Variants in LCORL observed in about 807,000 individuals in gnomAD.
The protein encoded by LCORL is ligand-dependent nuclear receptor corepressor-like protein.
A neutral mutation model predicts 141.8 loss-of-function variants in LCORL; 41 were observed. That is an observed-to-expected ratio of 0.29 (90% CI 0.23 to 0.38). The LOEUF (loss-of-function observed/expected upper bound fraction) is 0.38. Among genes scored for constraint, LCORL ranks in the 10% least tolerant of loss-of-function variants. LCORL has a pLI of 1.00. For synonymous variants in LCORL, 618 were observed against 694.1 expected, an observed-to-expected ratio of 0.89 and a Z score of 1.72; for missense variants, 1,759 against 2,035.0, an observed-to-expected ratio of 0.86 and a Z score of 2.61.
At chr4:17,947,527 T>C (rs1404742130) in intron 4 of LCORL, among the ~76,000 whole-genome samples, 1 of 151,856 alleles carries the variant, frequency 6.6e-6, no homozygotes, top group Non-Finnish European at 1.5e-5. Flanking sequence ...GTACTATACC[T>C]TTCAAAATCA....
chr4:17,938,209 G>A (rs776528709), intron 4 of LCORL, among the ~76,000 whole-genome samples: 1 of 151,394 alleles, frequency 6.6e-6, no homozygotes, highest in Non-Finnish European at 1.5e-5. Flanking sequence ...GTTTCTCCAT[G>A]TTGGTCAGGC....
rs1435035032 is a variant in LCORL, at chr4:17,899,663, G to A, written c.682+9431C>T. Among the ~76,000 whole-genome samples, 4 of 152,234 alleles carry A rather than the reference G, an allele frequency of 2.6e-5. No individual in the cohort carries two copies. In the East Asian group the frequency reaches 7.7e-4, roughly 29 times the overall value. On this transcript the variant is annotated intron_variant, in intron 5 of 7. Coordinates refer to ENST00000635767, the Ensembl canonical transcript of LCORL. ...CATAAGAACCCAATTTTGGCATATT[G>A]ATAACTTCAAGGTTATAAAGTAGGT...
chr4:17,881,292 A>G (rs1336837731), intron 6 of LCORL: 1 of 978,924 alleles, frequency 1.0e-6, no homozygotes, highest in Non-Finnish European at 1.2e-6. Flanking sequence ...AGTAACTGGT[A>G]ACTAAATTCA....
intron 4 of LCORL, among the ~76,000 whole-genome samples, chr4:17,938,418 T>G (rs1398580644): frequency 3.8e-5 from 3 of 78,592 alleles, no homozygotes; most frequent in Non-Finnish European, 6.7e-5. Flanking sequence ...TGTTTCTTTC[T>G]TTTTTTTTTT....
At chr4:17,860,578 TC>T (rs1253762832) in intron 7 of LCORL, among the ~76,000 whole-genome samples, 3 of 152,134 alleles carry the variant, frequency 2.0e-5, no homozygotes, top group African/African-American at 7.2e-5. Context: ...TCCTGGTCCC[TC>T]CCAAATCTCA....
Position 18,001,138 on chromosome 4 carries a change from TC to T in LCORL, c.154+20459del, listed in dbSNP as rs570056457. Among the ~76,000 whole-genome samples the T allele has an allele frequency of 2.0e-4, 30 of 152,278 alleles. No individual in the cohort carries two copies. The East Asian group carries it at 5.8e-3, about 29-fold the overall frequency. ...GTGAGCTATGACAGCACCACTGCAC[TC>T]TAGCCTGGGCAACAGAGCGAGACCC... is the stretch of plus-strand genomic sequence containing the variant. On this transcript the variant is annotated intron_variant, in intron 1 of 7. Transcript: ENST00000635767.
chr4:17,855,167 A>G (rs1724206372), intron 7 of LCORL, among the ~76,000 whole-genome samples: 3 of 152,184 alleles, frequency 2.0e-5, no homozygotes, highest in Admixed American at 2.0e-4. Context: ...AGAACCAACA[A>G]TCTTCAGAAA....
rs1177183061 is a variant in LCORL at position 17,884,685 on chromosome 4, T to G, written c.776+1383A>C. On this transcript the variant is annotated intron_variant, in intron 6 of 7. Transcript: ENST00000635767. This position sits in a 1 kb window ranked among gnomAD's most constrained non-coding sequence, Gnocchi z 4.4. ...CCAGACTGAATGTCTTTCAAAGCTT[T>G]TGAGAGCAAACCATCTGCAAACTCA... is the stretch of plus-strand genomic sequence containing the variant. 1 of 1,527,792 alleles carries G rather than the reference T, an allele frequency of 6.5e-7. No homozygotes were observed. The highest frequency in any genetic ancestry group is 2.5e-5 in the East Asian group (1 of 40,806). The allele number at this position is 1,527,792 out of a possible 1,614,324, so 94.6% of individuals were successfully genotyped here. A position where few individuals can be genotyped will look rare whatever the true frequency, so the allele number is the denominator to read the frequency against.
chr4:17,974,287 A>C lies in LCORL; in HGVS notation c.155-1402T>G, dbSNP rs138997561. Among the ~76,000 whole-genome samples the C allele has an allele frequency of 5.9e-5, 9 of 152,154 alleles. No individual in the cohort carries two copies. In the East Asian group the frequency reaches 1.3e-3, roughly 23 times the overall value. On this transcript the variant is annotated intron_variant, in intron 1 of 7. Coordinates refer to ENST00000635767, the Ensembl canonical transcript of LCORL. ...TGCTACTATCTCTCTTCCGCATTTTATGTCTCTTTAGCTTTCTTTACTGCA... is the reference window on the plus strand; with the variant it reads ...TGCTACTATCTCTCTTCCGCATTTTCTGTCTCTTTAGCTTTCTTTACTGCA...
chr4:17,856,062 C>T (rs957610794), intron 7 of LCORL, among the ~76,000 whole-genome samples: 3 of 152,188 alleles, frequency 2.0e-5, no homozygotes, highest in East Asian at 1.9e-4. Context: ...CTTGCTATCA[C>T]GATTTCCTTA....
intron 4 of LCORL, among the ~76,000 whole-genome samples, chr4:17,960,714 C>T (rs999213798): frequency 2.6e-5 from 4 of 152,096 alleles, no homozygotes; most frequent in African/African-American, 9.7e-5. Flanking sequence ...CCTCAGCCCA[C>T]CTGTTAGCTG....
chr4:17,936,673 T>C (rs548632823), intron 4 of LCORL, among the ~76,000 whole-genome samples: 1 of 152,348 alleles, frequency 6.6e-6, no homozygotes, highest in Non-Finnish European at 1.5e-5. Context: ...TGTGAACTTA[T>C]TTAATTCCTG....
chr4:17,869,781 C>T (rs988511846), intron 7 of LCORL, among the ~76,000 whole-genome samples: 2 of 152,068 alleles, frequency 1.3e-5, no homozygotes, highest in Non-Finnish European at 2.9e-5. Flanking sequence ...TAACTGCTTC[C>T]TAACATCCTT....
At chr4:17,995,725 T>C (rs575040785) in intron 1 of LCORL, among the ~76,000 whole-genome samples, 48 of 152,264 alleles carry the variant, frequency 3.2e-4, no homozygotes, top group African/African-American at 9.6e-4. Flanking sequence ...TTAGTTACCA[T>C]TGGGGAAACT....
At chr4:17,906,237 A>G (rs1731590650) in intron 5 of LCORL, among the ~76,000 whole-genome samples, 1 of 152,202 alleles carries the variant, frequency 6.6e-6, no homozygotes, top group Non-Finnish European at 1.5e-5. Context: ...AAATTTTAAG[A>G]AACTACCCAT....
intron 4 of LCORL, among the ~76,000 whole-genome samples, chr4:17,958,272 T>TGATATAAATACTA (rs1713077481): frequency 6.6e-6 from 1 of 151,668 alleles, no homozygotes; most frequent in African/African-American, 2.4e-5. Flanking sequence ...ATGCTAAGCA[T>TGATATAAATACTA]GTGTGGGTAT....
At chr4:17,970,314 C>T (rs1036151346) in intron 2 of LCORL, among the ~76,000 whole-genome samples, 21 of 152,136 alleles carry the variant, frequency 1.4e-4, no homozygotes, top group African/African-American at 4.6e-4. Flanking sequence ...ATGTTCTCTC[C>T]TTGTGCTCTA....
At chr4:18,002,538 A>G (rs1387859036) in intron 1 of LCORL, among the ~76,000 whole-genome samples, 1 of 152,202 alleles carries the variant, frequency 6.6e-6, no homozygotes, top group East Asian at 1.9e-4. Flanking sequence ...AATACTTTTC[A>G]CTTTCTGTTG....
At chr4:17,842,354 C>T (rs1394481753) in exon 8 of LCORL, 2 of 1,612,142 alleles carry the variant, frequency 1.2e-6, no homozygotes, top group East Asian at 2.2e-5. Context: ...CAGGAGGTGT[C>T]AGACTGCTGA....
Sources: gnomAD v4.1 joint callset for allele counts (sites outside exome capture counted in the v4.1 genomes callset) on GRCh38, gnomAD v4.1.1 for gene constraint, Gnocchi (gnomAD v3.1) non-coding constraint, MANE v1.5 for transcripts, NCBI Gene and HGNC (gene_info 2026-07-23, HGNC 2026-07-21) for gene names.